RFTN2: variants seen among roughly 807,000 people sequenced by gnomAD.
RFTN2 encodes the protein raftlin-2.
In RFTN2, 34 loss-of-function variants were observed where a neutral mutation model predicts 52.7. The ratio of observed to expected loss-of-function variants is 0.64; its 90% CI spans 0.49 to 0.86. RFTN2 has a LOEUF of 0.86. RFTN2 is among the 40% of genes least tolerant of loss of function. The pLI is 0.00. For missense variants in RFTN2, 536 were observed against 600.1 expected (o/e 0.89, Z 1.12); for synonymous variants, 203 against 217.7 (o/e 0.93, Z 0.59).
Position 197,646,610 on chromosome 2 carries a change from C to G in RFTN2, c.196G>C (p.Val66Leu). 1 of 1,613,138 alleles carries G rather than the reference C, an allele frequency of 6.2e-7. No homozygotes were observed. Among genetic ancestry groups the G allele is most frequent in the Non-Finnish European group, 8.5e-7 (1 of 1,179,116 alleles). ...INSILDIVTK[V>L]ENYYLKGYIV... ...TATCCTTTAAGATAATAGTTTTCCA[C>G]TTTTGTTACTATATCCAGAATTGAA... The change falls in exon 2 of 9, where the codon GTG becomes CTG. Residue 66 changes from valine (V) to leucine (L), a missense_variant. Coordinates refer to ENST00000295049, the MANE Select transcript of RFTN2 (RefSeq NM_144629.3).
In RFTN2 at chr2:197,615,874, AC is replaced by A; in HGVS notation, c.1154+1del. 6.6e-7 allele frequency: 1 copy of A among 1,510,896 alleles called. No homozygotes were observed. The highest frequency in any genetic ancestry group is 9.0e-7 in the Non-Finnish European group (1 of 1,109,814). The allele number at this position is 1,510,896 out of a possible 1,614,324, so 93.6% of individuals were successfully genotyped here. On this transcript the variant is annotated splice_donor_variant, in intron 7 of 8. Coordinates refer to ENST00000295049, the MANE Select transcript of RFTN2 (RefSeq NM_144629.3). LOFTEE classifies it high-confidence loss of function. Reference sequence around the variant, plus strand: ...TAGTATGTAAGGATACTTTTGCCTTACCTGTCATGTCTCAATACAGGTGTGG... The same window carrying A: ...TAGTATGTAAGGATACTTTTGCCTTACTGTCATGTCTCAATACAGGTGTGG...
intron 8 of RFTN2, among the ~76,000 whole-genome samples, chr2:197,586,528 TC>T (rs1180269405): frequency 6.6e-6 from 1 of 152,216 alleles, no homozygotes; most frequent in Non-Finnish European, 1.5e-5. Flanking sequence ...ACATTAATTT[TC>T]CTTACTCCCA....
At chr2:197,599,242 C>T (rs757900882) in intron 7 of RFTN2, among the ~76,000 whole-genome samples, 37 of 152,154 alleles carry the variant, frequency 2.4e-4, no homozygotes, top group Non-Finnish European at 5.1e-4. Context: ...CCCAGCCTTA[C>T]CATATTCTTC....
chr2:197,645,594 A>G (rs2088736508), intron 2 of RFTN2, among the ~76,000 whole-genome samples: 1 of 152,272 alleles, frequency 6.6e-6, no homozygotes, highest in African/African-American at 2.4e-5. Context: ...AAATGGTTGC[A>G]GTATTGTTTG....
chr2:197,585,118 A>C (rs898580952), intron 8 of RFTN2, among the ~76,000 whole-genome samples: 14 of 152,000 alleles, frequency 9.2e-5, no homozygotes, highest in African/African-American at 3.4e-4. Context: ...AGTCGCAAGT[A>C]CTCTCTCCTA....
intron 1 of RFTN2, among the ~76,000 whole-genome samples, chr2:197,664,442 C>G (rs2089021983): frequency 6.7e-6 from 1 of 149,634 alleles, no homozygotes; most frequent in Non-Finnish European, 1.5e-5. Context: ...TGCCACTGTA[C>G]TCCGGCCTGG....
chr2:197,656,851 C>T (rs1383852125), intron 1 of RFTN2, among the ~76,000 whole-genome samples: 4 of 152,058 alleles, frequency 2.6e-5, no homozygotes, highest in Non-Finnish European at 5.9e-5. Context: ...GAGTCCTTGA[C>T]TCAAATGCCT....
chr2:197,588,376 G>A (rs1193677219), intron 8 of RFTN2, among the ~76,000 whole-genome samples: 1 of 152,142 alleles, frequency 6.6e-6, no homozygotes, highest in Admixed American at 6.5e-5. Flanking sequence ...TGTAGAGACA[G>A]ACTTTATCTT....
intron 8 of RFTN2, among the ~76,000 whole-genome samples, chr2:197,575,328 C>T (rs961110209): frequency 3.9e-5 from 6 of 152,122 alleles, no homozygotes; most frequent in Non-Finnish European, 5.9e-5. Context: ...TTATTAGCAA[C>T]GTGAGAACAG....
At chr2:197,664,445 C>T (rs192383782) in intron 1 of RFTN2, among the ~76,000 whole-genome samples, 7 of 149,242 alleles carry the variant, frequency 4.7e-5, no homozygotes, top group East Asian at 3.9e-4. Flanking sequence ...CACTGTACTC[C>T]GGCCTGGAAG....
chr2:197,647,671 C>T (rs2088772462), intron 1 of RFTN2, among the ~76,000 whole-genome samples: 1 of 152,146 alleles, frequency 6.6e-6, no homozygotes, highest in African/African-American at 2.4e-5. Flanking sequence ...CATATAATTT[C>T]TCATGGTGCT....
intron 3 of RFTN2, 109 bp downstream of exon 3, chr2:197,644,049 A>G (rs1480877596): frequency 2.7e-6 from 2 of 734,442 alleles, no homozygotes; most frequent in African/African-American, 3.5e-5. Flanking sequence ...TTCTGGTAGA[A>G]AAGTTACCTG....
chr2:197,605,318 C>T (rs2087942335), intron 7 of RFTN2, among the ~76,000 whole-genome samples: 1 of 151,910 alleles, frequency 6.6e-6, no homozygotes, highest in Non-Finnish European at 1.5e-5. Context: ...CGGGTTCACG[C>T]CATTCTCTTG....
chr2:197,651,210 A>G (rs1357318422), intron 1 of RFTN2, among the ~76,000 whole-genome samples: 2 of 152,206 alleles, frequency 1.3e-5, no homozygotes, highest in Non-Finnish European at 2.9e-5. Flanking sequence ...CCCATTCCAC[A>G]TATTGACTTT....
intron 8 of RFTN2, among the ~76,000 whole-genome samples, chr2:197,585,968 G>A (rs1008645531): frequency 1.3e-5 from 2 of 152,130 alleles, no homozygotes; most frequent in Non-Finnish European, 2.9e-5. Context: ...TCTCAGCAAA[G>A]ACCCACTGGA....
At position 197,574,103 on chromosome 2, in the gene RFTN2, C is replaced by G. The variant is rs566340569; in HGVS notation, c.1234-1823G>C. Among the ~76,000 whole-genome samples, 6 of 152,338 alleles carry G rather than the reference C, an allele frequency of 3.9e-5. No homozygotes were observed. The East Asian group carries it at 9.6e-4, about 24-fold the overall frequency. Reference sequence around the variant, plus strand: ...CATGGAGTCCCTACTGGGACACTGCCTAGTGGAGCTGTGAGAAGAGGGCCA... The same window carrying G: ...CATGGAGTCCCTACTGGGACACTGCGTAGTGGAGCTGTGAGAAGAGGGCCA... On this transcript the variant is annotated intron_variant, in intron 8 of 8. Transcript: ENST00000295049.
At chr2:197,608,504 G>A (rs2087998413) in intron 7 of RFTN2, among the ~76,000 whole-genome samples, 2 of 151,618 alleles carry the variant, frequency 1.3e-5, no homozygotes, top group East Asian at 3.9e-4. Flanking sequence ...AGTAGAGATG[G>A]GGTTTCACCA....
chr2:197,631,477 C>T (rs2088468449), intron 4 of RFTN2, among the ~76,000 whole-genome samples: 1 of 152,106 alleles, frequency 6.6e-6, no homozygotes, highest in South Asian at 2.1e-4. Flanking sequence ...GTTTATCATT[C>T]TCATGCAAGC....
At chr2:197,652,139 T>C (rs993259052) in intron 1 of RFTN2, among the ~76,000 whole-genome samples, 6 of 152,224 alleles carry the variant, frequency 3.9e-5, no homozygotes, top group African/African-American at 1.4e-4. Flanking sequence ...TCAATACCTG[T>C]GCAAAGTTGA....
Sources: gnomAD v4.1 joint callset for allele counts (sites outside exome capture counted in the v4.1 genomes callset) on GRCh38, gnomAD v4.1.1 for gene constraint, MANE v1.5 for transcripts, NCBI Gene and HGNC (gene_info 2026-07-23, HGNC 2026-07-21) for gene names.